CAPZB: variants seen among roughly 807,000 people sequenced by gnomAD.
CAPZB encodes the protein capping actin protein of muscle Z-line subunit beta, also known as F-actin-capping protein subunit beta.
CAPZB carries 2 observed loss-of-function variants against 38.1 expected under a neutral mutation model. That is an observed-to-expected ratio of 0.05 (90% CI 0.02 to 0.17). The LOEUF is 0.17. CAPZB is among the 10% of genes least tolerant of loss of function. The pLI is 1.00. For synonymous variants in CAPZB, 107 were observed against 127.4 expected (o/e 0.84, Z 1.08); for missense variants, 161 against 334.2 (o/e 0.48, Z 4.04).
chr1:19,410,732 C>A (rs1391544421), intron 2 of CAPZB, among the ~76,000 whole-genome samples: 1 of 152,220 alleles, frequency 6.6e-6, no homozygotes, highest in Non-Finnish European at 1.5e-5. Context: ...ATTTCCTTTA[C>A]ATTTTCACTT....
At chr1:19,459,973 C>T (rs958080911) in intron 1 of CAPZB, among the ~76,000 whole-genome samples, 12 of 152,178 alleles carry the variant, frequency 7.9e-5, no homozygotes, top group East Asian at 3.9e-4. Context: ...GGCCCCAAAG[C>T]GCAAGAGTAG....
At chr1:19,443,651 G>T (rs2094486286) in intron 1 of CAPZB, among the ~76,000 whole-genome samples, 1 of 152,176 alleles carries the variant, frequency 6.6e-6, no homozygotes, top group African/African-American at 2.4e-5. Context: ...AAAGACAACA[G>T]GTTTGATGTG....
At chr1:19,340,778 T>A (rs1425922666) in intron 8 of CAPZB, among the ~76,000 whole-genome samples, 1 of 152,212 alleles carries the variant, frequency 6.6e-6, no homozygotes, top group Non-Finnish European at 1.5e-5. Context: ...AGCAATTCTT[T>A]AATCATTTTG....
chr1:19,438,177 G>A (rs191717447), intron 1 of CAPZB, among the ~76,000 whole-genome samples: 2 of 152,276 alleles, frequency 1.3e-5, no homozygotes, highest in African/African-American at 4.8e-5. Context: ...TTGTCACGGC[G>A]CTGCCAGCTG....
At position 19,368,434 on chromosome 1, in the gene CAPZB, C is replaced by T. The variant is rs532445832; in HGVS notation, c.329+10106G>A. ...CCAAGATGGGAGGATCACTTGAGGC[C>T]AGGAGTTTGAGACCAGCCTGGGCAA... On this transcript the variant is annotated intron_variant, in intron 4 of 8. Transcript: ENST00000264202. Among the ~76,000 whole-genome samples, 590 of 149,476 alleles carry T rather than the reference C, an allele frequency of 3.9e-3. 1 individual carries two copies. The highest frequency in any genetic ancestry group is 0.013 in the African/African-American group (521 of 40,570).
At chr1:19,479,644 C>G (rs1351798417) in intron 1 of CAPZB, among the ~76,000 whole-genome samples, 1 of 152,146 alleles carries the variant, frequency 6.6e-6, no homozygotes, top group Non-Finnish European at 1.5e-5. Context: ...TGGCCAGGAC[C>G]CTCATAAGCT....
At chr1:19,389,946 T>C (rs1351698113) in intron 2 of CAPZB, among the ~76,000 whole-genome samples, 1 of 152,214 alleles carries the variant, frequency 6.6e-6, no homozygotes, top group Non-Finnish European at 1.5e-5. Flanking sequence ...TCCTCACCAC[T>C]TAGCATTTTT....
At chr1:19,463,570 C>T (rs894691601) in intron 1 of CAPZB, among the ~76,000 whole-genome samples, 13 of 152,316 alleles carry the variant, frequency 8.5e-5, no homozygotes, top group Middle Eastern at 6.8e-3. Context: ...GAGCAAAAGG[C>T]CCTGTGAGCT....
chr1:19,454,741 A>G (rs2094527714), intron 1 of CAPZB, among the ~76,000 whole-genome samples: 1 of 152,206 alleles, frequency 6.6e-6, no homozygotes, highest in African/African-American at 2.4e-5. Context: ...GATCTTCTCT[A>G]AACTATTAAT....
In CAPZB at chr1:19,356,726, T is replaced by C. The variant is rs1302402418; in HGVS notation, c.497A>G (p.His166Arg). The change falls in exon 6 of 9, where the codon CAT (histidine) becomes CGT (arginine). Residue 166 changes from histidine to arginine, a missense_variant. Physicochemically the swap from His to Arg is conservative, Grantham distance 29 (BLOSUM62 0). Transcript: ENST00000264202. The surrounding 1 kb of genome is among the most constrained non-coding windows in gnomAD (Gnocchi z 4.3). ...VQEKSSGRTA[H>R]YKLTSTVMLW... The stretch of plus-strand genomic sequence containing the variant: ...CATCACCGTGGAGGTCAACTTGTAA[T>C]GGGCGGTGCGACCGCTGGATTTCTC... 1 of 1,613,974 alleles carries C rather than the reference T, an allele frequency of 6.2e-7. No individual in the cohort carries two copies. Among genetic ancestry groups the C allele is most frequent in the African/African-American group, 1.3e-5 (1 of 75,040 alleles).
At position 19,354,728 on chromosome 1, in the gene CAPZB, T is replaced by C. The variant is rs149197199; in HGVS notation, c.588+1907A>G. On this transcript the variant is annotated intron_variant, in intron 6 of 8. Transcript: ENST00000264202. ...ACTATTAGGAGGGCTGAGGATTAAA[T>C]ATTTGTCCAGGTCACTGTAAACCGG... Among the ~76,000 whole-genome samples, 660 of 152,240 alleles carry C rather than the reference T, an allele frequency of 4.3e-3. 4 individuals carry two copies. Among genetic ancestry groups the C allele is most frequent in the African/African-American group, 0.015 (614 of 41,534 alleles).
chr1:19,366,301 TATATATATAA>T lies in CAPZB; in HGVS notation c.330-8748_330-8739del, dbSNP rs1193693211. Reference sequence around the variant, plus strand: ...GTCTTAAAATATATATATATATATATATATATATAAATAAAATAAATGGTCATGAGGGACA... The same window carrying T: ...GTCTTAAAATATATATATATATATATATAAAATAAATGGTCATGAGGGACA... On this transcript the variant is annotated intron_variant, in intron 4 of 8. Coordinates refer to ENST00000264202, the MANE Select transcript of CAPZB (RefSeq NM_004930.5). Among the ~76,000 whole-genome samples the T allele has an allele frequency of 4.2e-4, 45 of 105,996 alleles. 1 individual carries two copies. Among genetic ancestry groups the T allele is most frequent in the East Asian group, 3.6e-3 (13 of 3,566 alleles). The allele number at this position is 105,996 out of a possible 152,430, so 69.5% of individuals were successfully genotyped here.
At chr1:19,369,894 G>A (rs920750411) in intron 4 of CAPZB, among the ~76,000 whole-genome samples, 11 of 152,162 alleles carry the variant, frequency 7.2e-5, no homozygotes, top group Non-Finnish European at 1.6e-4. Context: ...GGTGGAAAAA[G>A]CCCCCGGGGC....
At chr1:19,461,749 A>G (rs2094552632) in intron 1 of CAPZB, among the ~76,000 whole-genome samples, 2 of 152,234 alleles carry the variant, frequency 1.3e-5, no homozygotes, top group African/African-American at 4.8e-5. Context: ...GGCAAGCCTG[A>G]GTAGGAATCC....
chr1:19,376,823 G>A (rs1169432035), intron 4 of CAPZB, among the ~76,000 whole-genome samples: 1 of 152,228 alleles, frequency 6.6e-6, no homozygotes. Context: ...TGTCTGCTGA[G>A]TAAATAAATC....
chr1:19,343,288 G>C (rs1215981812), intron 8 of CAPZB, among the ~76,000 whole-genome samples: 2 of 152,200 alleles, frequency 1.3e-5, no homozygotes, highest in Non-Finnish European at 2.9e-5. Context: ...GTCCAAAGAG[G>C]ACTCCTCCTC....
intron 4 of CAPZB, among the ~76,000 whole-genome samples, chr1:19,377,565 G>C (rs189369444): frequency 6.6e-6 from 1 of 152,348 alleles, no homozygotes; most frequent in East Asian, 1.9e-4. Context: ...CATTTTAAAG[G>C]TTCAACAGAA....
At chr1:19,381,364 C>T (rs1396248842) in intron 3 of CAPZB, among the ~76,000 whole-genome samples, 1 of 151,626 alleles carries the variant, frequency 6.6e-6, no homozygotes, top group African/African-American at 2.4e-5. Context: ...CCCTCGACTG[C>T]AAGAGGTCTT....
chr1:19,474,277 G>A (rs899408193), intron 1 of CAPZB, among the ~76,000 whole-genome samples: 4 of 152,122 alleles, frequency 2.6e-5, no homozygotes, highest in African/African-American at 4.8e-5. Context: ...TTACAGGTGT[G>A]AACTACCTCA....
Sources: gnomAD v4.1 joint callset for allele counts (sites outside exome capture counted in the v4.1 genomes callset) on GRCh38, gnomAD v4.1.1 for gene constraint, Gnocchi (gnomAD v3.1) non-coding constraint, MANE v1.5 for transcripts, NCBI Gene and HGNC (gene_info 2026-07-23, HGNC 2026-07-21) for gene names.